Variants in PRKAR2B observed in about 807,000 individuals in gnomAD.
PRKAR2B encodes cAMP-dependent protein kinase type II-beta regulatory subunit.
PRKAR2B carries 14 observed loss-of-function variants against 49.9 expected under a neutral mutation model. That is an observed-to-expected ratio of 0.28 (90% CI 0.19 to 0.44). PRKAR2B has a LOEUF of 0.44. Among genes scored for constraint, PRKAR2B ranks in the 20% least tolerant of loss-of-function variants. The probability of loss-of-function intolerance (pLI) is 1.00; values close to 1 mark genes in which losing one functional copy is unlikely to be tolerated. For synonymous variants in PRKAR2B, 196 were observed against 197.7 expected, an observed-to-expected ratio of 0.99 and a Z score of 0.07; for missense variants, 393 against 537.9, an observed-to-expected ratio of 0.73 and a Z score of 2.67.
chr7:107,058,139 C>T (rs943348261), intron 1 of PRKAR2B, among the ~76,000 whole-genome samples: 1 of 151,578 alleles, frequency 6.6e-6, no homozygotes, highest in African/African-American at 2.4e-5. Flanking sequence ...CAGTGTTTAA[C>T]TGATAGAGTA....
At chr7:107,050,894 C>G (rs998520770) in intron 1 of PRKAR2B, among the ~76,000 whole-genome samples, 2 of 152,108 alleles carry the variant, frequency 1.3e-5, no homozygotes, top group Admixed American at 1.3e-4. Context: ...ATGGGTCTTC[C>G]TTTCTTGCCC....
chr7:107,113,724 G>C (rs1795215709), intron 2 of PRKAR2B, among the ~76,000 whole-genome samples: 1 of 152,118 alleles, frequency 6.6e-6, no homozygotes, highest in Non-Finnish European at 1.5e-5. Flanking sequence ...TTGTCTTAAA[G>C]AAAATTTACT....
intron 2 of PRKAR2B, among the ~76,000 whole-genome samples, chr7:107,085,794 T>C (rs1794608317): frequency 6.6e-6 from 1 of 152,216 alleles, no homozygotes; most frequent in African/African-American, 2.4e-5. Flanking sequence ...TTAATACTTC[T>C]TAATGGTGTC....
At chr7:107,113,903 A>G (rs928358194) in intron 2 of PRKAR2B, among the ~76,000 whole-genome samples, 3 of 152,128 alleles carry the variant, frequency 2.0e-5, no homozygotes, top group Admixed American at 6.5e-5. Flanking sequence ...CGCACGGGCT[A>G]CTCATGATGT....
At chr7:107,088,587 G>A (rs556417930) in intron 2 of PRKAR2B, among the ~76,000 whole-genome samples, 3 of 152,066 alleles carry the variant, frequency 2.0e-5, no homozygotes, top group African/African-American at 7.2e-5. Context: ...CATACAGTTG[G>A]CTTTTATTTT....
intron 2 of PRKAR2B, among the ~76,000 whole-genome samples, chr7:107,121,346 G>A (rs1322593630): frequency 6.6e-6 from 1 of 151,978 alleles, no homozygotes; most frequent in Non-Finnish European, 1.5e-5. Context: ...AGTTATTTAC[G>A]GCATATAATA....
chr7:107,088,830 C>A (rs901999514), intron 2 of PRKAR2B, among the ~76,000 whole-genome samples: 1 of 152,106 alleles, frequency 6.6e-6, no homozygotes, highest in African/African-American at 2.4e-5. Flanking sequence ...GAACTCCTGG[C>A]CTCAAGTGAT....
At chr7:107,130,058 T>C (rs1206323896) in intron 4 of PRKAR2B, among the ~76,000 whole-genome samples, 2 of 152,210 alleles carry the variant, frequency 1.3e-5, no homozygotes, top group African/African-American at 4.8e-5. Flanking sequence ...TTTACCCAGC[T>C]CCTATTCAAG....
At chr7:107,121,743 A>G (rs747554714) in intron 2 of PRKAR2B, among the ~76,000 whole-genome samples, 4 of 152,164 alleles carry the variant, frequency 2.6e-5, no homozygotes, top group African/African-American at 4.8e-5. Context: ...GAAAGTGTCA[A>G]TGCCCTAAAA....
intron 6 of PRKAR2B, among the ~76,000 whole-genome samples, chr7:107,150,556 G>T (rs1795964264): frequency 6.9e-6 from 1 of 145,588 alleles, no homozygotes; most frequent in Non-Finnish European, 1.5e-5. Context: ...ATATGAAAAA[G>T]AACGTAGAGT....
intron 2 of PRKAR2B, among the ~76,000 whole-genome samples, chr7:107,096,720 T>C (rs878900205): frequency 1.3e-5 from 2 of 152,214 alleles, no homozygotes; most frequent in African/African-American, 2.4e-5. Flanking sequence ...TTTGTTCTCA[T>C]TGGTTTCAAA....
At chr7:107,096,444 CA>C (rs1290160146) in intron 2 of PRKAR2B, among the ~76,000 whole-genome samples, 2 of 151,238 alleles carry the variant, frequency 1.3e-5, no homozygotes, top group Non-Finnish European at 2.9e-5. Context: ...TTGATCTTTT[CA>C]AAAAACCAGC....
chr7:107,098,250 T>G lies in PRKAR2B; in HGVS notation c.344-23702T>G, dbSNP rs529453671. Reference sequence around the variant, plus strand: ...TCTAAACTTGTCTTCTCGCTTCATTTCATTCATTTGATCTTCAGTCACTGA... The same window carrying G: ...TCTAAACTTGTCTTCTCGCTTCATTGCATTCATTTGATCTTCAGTCACTGA... On this transcript the variant is annotated intron_variant, in intron 2 of 10. Transcript: ENST00000265717. Among the ~76,000 whole-genome samples, 49 of 152,194 alleles carry G rather than the reference T, an allele frequency of 3.2e-4. 1 individual carries two copies. Among genetic ancestry groups the G allele is most frequent in the African/African-American group, 9.4e-4 (39 of 41,532 alleles).
At chr7:107,119,534 A>G (rs762139188) in intron 2 of PRKAR2B, among the ~76,000 whole-genome samples, 1 of 152,230 alleles carries the variant, frequency 6.6e-6, no homozygotes, top group Admixed American at 6.5e-5. Context: ...TAGAGAGCCA[A>G]GCTTTAGAAG....
At chr7:107,142,196 C>T (rs543145596) in intron 5 of PRKAR2B, among the ~76,000 whole-genome samples, 2 of 152,216 alleles carry the variant, frequency 1.3e-5, no homozygotes, top group South Asian at 2.1e-4. Flanking sequence ...CTCCTGAAGC[C>T]TCATTTCGTT....
At chr7:107,087,947 C>T (rs1794652808) in intron 2 of PRKAR2B, among the ~76,000 whole-genome samples, 1 of 152,142 alleles carries the variant, frequency 6.6e-6, no homozygotes, top group Non-Finnish European at 1.5e-5. Flanking sequence ...CCTACAGTCT[C>T]AGTTACTCTG....
chr7:107,102,027 C>T (rs1450798627), intron 2 of PRKAR2B, among the ~76,000 whole-genome samples: 1 of 151,872 alleles, frequency 6.6e-6, no homozygotes. Context: ...CAAGACTCAC[C>T]AGTCTGCTGA....
intron 4 of PRKAR2B, among the ~76,000 whole-genome samples, chr7:107,132,655 G>A (rs1795624072): frequency 6.6e-6 from 1 of 152,184 alleles, no homozygotes; most frequent in Non-Finnish European, 1.5e-5. Context: ...ATGGCTCCCA[G>A]TGTCTAGCTG....
chr7:107,044,736 G>A lies in PRKAR2B; in HGVS notation c.-172G>A, dbSNP rs1480931788. 9.6e-6 allele frequency: 2 copies of A among 207,512 alleles called. No individual in the cohort carries two copies. The allele number at this position is 207,512 out of a possible 1,614,324, so 12.9% of individuals were successfully genotyped here. A position where few individuals can be genotyped will look rare whatever the true frequency, so the allele number is the denominator to read the frequency against. On this transcript the variant is annotated 5_prime_UTR_variant, in exon 1 of 11. Transcript: ENST00000265717. ...GCCGCCGCCACCACACGGAGCAGAC[G>A]CGCGCCGGGAGCCGCGGGCCGGGCC...
Sources: allele counts gnomAD v4.1 joint callset (sites outside exome capture counted in the v4.1 genomes callset), GRCh38; gene constraint gnomAD v4.1.1; transcripts MANE v1.5; gene names NCBI Gene and HGNC (gene_info 2026-07-23, HGNC 2026-07-21).